GABRB2: variants seen among roughly 807,000 people sequenced by gnomAD.
The protein encoded by GABRB2 is gamma-aminobutyric acid receptor subunit beta-2.
GABRB2 carries 16 observed loss-of-function variants against 54.7 expected under a neutral mutation model. The observed-to-expected ratio is 0.29, with a 90% CI of 0.20 to 0.44. GABRB2 has a LOEUF of 0.44. Ranked by LOEUF, GABRB2 falls within the 20% of genes least tolerant of loss-of-function variation. The pLI is 1.00. For missense variants in GABRB2, 355 were observed against 644.0 expected, an observed-to-expected ratio of 0.55 and a Z score of 4.86; for synonymous variants, 244 against 233.8, an observed-to-expected ratio of 1.04 and a Z score of -0.40.
At chr5:161,328,187 C>T (rs1758423845) in intron 8 of GABRB2, among the ~76,000 whole-genome samples, 2 of 152,162 alleles carry the variant, frequency 1.3e-5, no homozygotes, top group African/African-American at 4.8e-5. Flanking sequence ...AAACTTCTAA[C>T]ATAAAACATT....
chr5:161,456,397 A>G (rs1165214089), intron 4 of GABRB2, among the ~76,000 whole-genome samples: 1 of 152,186 alleles, frequency 6.6e-6, no homozygotes, highest in Admixed American at 6.5e-5. Flanking sequence ...CCTTATTTTT[A>G]TCAGTCCAGA....
chr5:161,300,646 A>T (rs777617389), intron 9 of GABRB2, among the ~76,000 whole-genome samples: 2 of 152,186 alleles, frequency 1.3e-5, no homozygotes, highest in Non-Finnish European at 2.9e-5. Flanking sequence ...AATGCATATC[A>T]GACTACTCTG....
intron 3 of GABRB2, among the ~76,000 whole-genome samples, chr5:161,544,216 A>G (rs1277653863): frequency 6.6e-6 from 1 of 152,208 alleles, no homozygotes; most frequent in Non-Finnish European, 1.5e-5. Context: ...AATTAATCCA[A>G]TTTCTAGACA....
chr5:161,419,041 C>G (rs1049859365), intron 4 of GABRB2, among the ~76,000 whole-genome samples: 14 of 152,144 alleles, frequency 9.2e-5, no homozygotes, highest in Admixed American at 8.5e-4. Context: ...ATGGGAGGAT[C>G]ACCTGAGCCT....
chr5:161,471,293 T>C (rs1385199502), intron 3 of GABRB2, among the ~76,000 whole-genome samples: 1 of 152,020 alleles, frequency 6.6e-6, no homozygotes, highest in East Asian at 1.9e-4. Context: ...ATCTTCCACA[T>C]CTGAGCCAAC....
At chr5:161,464,822 T>C (rs1440011474) in intron 3 of GABRB2, among the ~76,000 whole-genome samples, 1 of 152,012 alleles carries the variant, frequency 6.6e-6, no homozygotes, top group Non-Finnish European at 1.5e-5. Flanking sequence ...ATCATTCCAT[T>C]TGTATGACAT....
chr5:161,422,279 T>C (rs1409002175), intron 4 of GABRB2, among the ~76,000 whole-genome samples: 1 of 152,090 alleles, frequency 6.6e-6, no homozygotes, highest in Non-Finnish European at 1.5e-5. Flanking sequence ...TATATAGGTA[T>C]ATATGTATAT....
At chr5:161,478,136 C>A (rs973977358) in intron 3 of GABRB2, among the ~76,000 whole-genome samples, 2 of 151,872 alleles carry the variant, frequency 1.3e-5, no homozygotes, top group Non-Finnish European at 1.5e-5. Flanking sequence ...AGCAAATAAA[C>A]CATATTAATC....
chr5:161,347,779 G>T (rs942591569), intron 5 of GABRB2, among the ~76,000 whole-genome samples: 11 of 152,040 alleles, frequency 7.2e-5, no homozygotes, highest in Non-Finnish European at 1.6e-4. Flanking sequence ...TAATCTACTA[G>T]GTTTTGGGTT....
intron 5 of GABRB2, among the ~76,000 whole-genome samples, chr5:161,363,399 G>A (rs1754876363): frequency 6.6e-6 from 1 of 152,084 alleles, no homozygotes; most frequent in Non-Finnish European, 1.5e-5. Flanking sequence ...GCTGAGGGAG[G>A]GATAGCATTA....
chr5:161,336,716 C>A lies in GABRB2; in HGVS notation c.595G>T (p.Val199Leu). Residue 199 changes from valine to leucine, a missense_variant, in exon 6 of 10, where the codon GTA (valine) becomes TTA (leucine). Physicochemically the swap from Val to Leu is conservative, Grantham distance 32. Coordinates refer to ENST00000393959, the MANE Select transcript of GABRB2 (RefSeq NM_001371727.1). ...AGTTCAATTTTCGTTACTCCTGTTA[C>A]TGCATTATCATCGCCACGCCAGTAA... The part of the protein sequence containing the change: ...EFYWRGDDNA[V>L]TGVTKIELPQ... 1 of 1,612,808 alleles carries A rather than the reference C, an allele frequency of 6.2e-7. No homozygotes were observed. The highest frequency in any genetic ancestry group is 8.5e-7 in the Non-Finnish European group (1 of 1,179,644).
At chr5:161,324,777 T>A (rs1194796648) in intron 9 of GABRB2, among the ~76,000 whole-genome samples, 1 of 152,090 alleles carries the variant, frequency 6.6e-6, no homozygotes, top group African/African-American at 2.4e-5. Context: ...CATAAAGACA[T>A]AACCAACATA....
At chr5:161,324,299 A>G (rs979490384) in intron 9 of GABRB2, among the ~76,000 whole-genome samples, 1 of 152,080 alleles carries the variant, frequency 6.6e-6, no homozygotes, top group Non-Finnish European at 1.5e-5. Context: ...ACTTTGTGTA[A>G]TTTTAAGAAT....
chr5:161,434,697 T>A (rs1282671598), intron 4 of GABRB2, among the ~76,000 whole-genome samples: 1 of 152,194 alleles, frequency 6.6e-6, no homozygotes, highest in Non-Finnish European at 1.5e-5. Flanking sequence ...CTCGTAAGCA[T>A]ACACCAAACA....
intron 5 of GABRB2, among the ~76,000 whole-genome samples, chr5:161,400,864 G>C (rs535363538): frequency 1.3e-5 from 2 of 152,156 alleles, no homozygotes; most frequent in Admixed American, 1.3e-4. Flanking sequence ...CTTGTTACAC[G>C]TGAGGGATTG....
intron 3 of GABRB2, among the ~76,000 whole-genome samples, chr5:161,520,880 C>A (rs1372210277): frequency 6.6e-6 from 1 of 151,934 alleles, no homozygotes; most frequent in Non-Finnish European, 1.5e-5. Context: ...CCATATTAGA[C>A]CCTAATGATC....
At chr5:161,517,341 C>CA (rs959369641) in intron 3 of GABRB2, among the ~76,000 whole-genome samples, 3 of 151,954 alleles carry the variant, frequency 2.0e-5, no homozygotes, top group African/African-American at 2.4e-5. Flanking sequence ...AGTTTTTCTC[C>CA]AAAAATATAT....
At chr5:161,468,629 G>A (rs1230885174) in intron 3 of GABRB2, among the ~76,000 whole-genome samples, 1 of 151,856 alleles carries the variant, frequency 6.6e-6, no homozygotes, top group Non-Finnish European at 1.5e-5. Flanking sequence ...GTCTCCTCAT[G>A]TATTTTCATG....
intron 4 of GABRB2, among the ~76,000 whole-genome samples, chr5:161,436,212 T>C (rs1383311546): frequency 1.3e-5 from 2 of 151,976 alleles, no homozygotes; most frequent in Non-Finnish European, 2.9e-5. Context: ...TGGCAGAAAA[T>C]AACTACTCAA....
Sources: gnomAD v4.1 joint callset for allele counts (sites outside exome capture counted in the v4.1 genomes callset) on GRCh38, gnomAD v4.1.1 for gene constraint, MANE v1.5 for transcripts, NCBI Gene and HGNC (gene_info 2026-07-23, HGNC 2026-07-21) for gene names.